Variants in VPS54 observed in about 807,000 individuals in gnomAD.
The protein encoded by VPS54 is vacuolar protein sorting-associated protein 54.
Under a neutral mutation model 121.5 loss-of-function variants are expected in VPS54, and 45 were observed. The observed-to-expected ratio is 0.37, with a 90% confidence interval of 0.29 to 0.47. VPS54 has a LOEUF of 0.47. VPS54 is among the 20% of genes least tolerant of loss of function. The pLI is 0.99. For missense variants in VPS54, 1,090 were observed against 1,131.4 expected, an observed-to-expected ratio of 0.96 and a Z score of 0.52; for synonymous variants, 371 against 385.8, an observed-to-expected ratio of 0.96 and a Z score of 0.45.
chr2:63,991,616 T>C (rs1677323175), intron 1 of VPS54, among the ~76,000 whole-genome samples: 1 of 152,216 alleles, frequency 6.6e-6, no homozygotes, highest in Non-Finnish European at 1.5e-5. Context: ...CAAATGCTGC[T>C]GCTACTGTTT....
chr2:63,936,980 C>T (rs762326471), intron 11 of VPS54, among the ~76,000 whole-genome samples: 7 of 152,074 alleles, frequency 4.6e-5, no homozygotes, highest in Non-Finnish European at 7.4e-5. Context: ...CTGTCTTATA[C>T]CACCTATAAA....
chr2:64,014,801 T>C (rs1322610409), intron 1 of VPS54, among the ~76,000 whole-genome samples: 1 of 151,664 alleles, frequency 6.6e-6, no homozygotes, highest in East Asian at 1.9e-4. Flanking sequence ...CCCTATTTTA[T>C]AGATGAGAAA....
Position 63,963,114 on chromosome 2 carries a change from A to G in VPS54, c.625-671T>C, listed in dbSNP as rs186895923. ...CTGATGGTTCAGTCACAAATTATAG[A>G]TAAGGTACTAAAATTCATTTGGATT... On this transcript the variant is annotated intron_variant, in intron 6 of 22. Coordinates refer to ENST00000272322, the MANE Select transcript of VPS54 (RefSeq NM_016516.3). 2.9e-3 allele frequency among the ~76,000 whole-genome samples: 436 copies of G among 152,196 alleles called. 2 individuals carry two copies. The highest frequency in any genetic ancestry group is 0.017 in the Middle Eastern group (5 of 294).
At chr2:64,006,351 T>C (rs757498791) in intron 1 of VPS54, among the ~76,000 whole-genome samples, 1 of 152,232 alleles carries the variant, frequency 6.6e-6, no homozygotes, top group Non-Finnish European at 1.5e-5. Flanking sequence ...TACTTGACTT[T>C]CTGAAATTTG....
At chr2:63,912,751 A>C in intron 18 of VPS54, 90 bp from the exon 19 acceptor site, 1 of 1,460,912 alleles carries the variant, frequency 6.8e-7, no homozygotes, top group Non-Finnish European at 9.1e-7. Context: ...CAAATAAAAA[A>C]CATCACTTAT....
chr2:64,003,287 A>G (rs1173446234), intron 1 of VPS54, among the ~76,000 whole-genome samples: 1 of 152,220 alleles, frequency 6.6e-6, no homozygotes, highest in East Asian at 1.9e-4. Flanking sequence ...TCTAGAAACA[A>G]ATTTGGCATT....
At position 63,893,554 on chromosome 2, in the gene VPS54, A is replaced by G. The variant is rs761581571; in HGVS notation, c.2829-19T>C. 4.4e-6 allele frequency: 7 copies of G among 1,594,262 alleles called. No homozygotes were observed. The Admixed American group carries it at 7.0e-5, about 16-fold the overall frequency. ...GACCAACCTAAATAATGGAGAGAAA[A>G]TTATTTTTTAAATCTCAAACTTTCT... is the stretch of plus-strand genomic sequence containing the variant. On this transcript the variant is annotated intron_variant, in intron 22 of 22. Coordinates refer to ENST00000272322, the MANE Select transcript of VPS54 (RefSeq NM_016516.3).
In VPS54 at chr2:63,912,612, G is replaced by A. The variant is rs763113585; in HGVS notation, c.2472C>T (p.Ile824=). The A allele has an allele frequency of 1.4e-5, 23 of 1,596,346 alleles. No homozygotes were observed. Among genetic ancestry groups the A allele is most frequent in the Non-Finnish European group, 8.5e-7 (1 of 1,176,004 alleles). The change falls in exon 19 of 23, where the codon ATC becomes ATT. Residue 824 remains isoleucine (I), a synonymous_variant. Transcript: ENST00000272322. The part of the protein sequence containing the change: ...LQLIVHYIPV[I]RAHFEARLPP... Reference sequence around the variant, plus strand: ...GTAGTCGAGCTTCAAAATGAGCCCGGATCACAGGAATGTAGTGCACAATTA... The same window carrying A: ...GTAGTCGAGCTTCAAAATGAGCCCGAATCACAGGAATGTAGTGCACAATTA...
At chr2:63,951,326 A>G (rs948988649) in intron 7 of VPS54, among the ~76,000 whole-genome samples, 131 of 151,108 alleles carry the variant, frequency 8.7e-4, no homozygotes, top group Non-Finnish European at 1.5e-4. Flanking sequence ...GCTTCTTGGG[A>G]GTACTTCCAG....
chr2:63,964,684 A>C (rs541076868), intron 6 of VPS54, among the ~76,000 whole-genome samples: 2 of 152,302 alleles, frequency 1.3e-5, no homozygotes, highest in East Asian at 3.9e-4. Flanking sequence ...AGGAATACTC[A>C]TGATTCCTTC....
At chr2:63,911,234 A>C (rs978256781) in intron 20 of VPS54, among the ~76,000 whole-genome samples, 3 of 152,204 alleles carry the variant, frequency 2.0e-5, no homozygotes, top group African/African-American at 7.2e-5. Context: ...CAGTGAAGAA[A>C]ATAAAGCATC....
intron 7 of VPS54, among the ~76,000 whole-genome samples, chr2:63,961,385 C>T (rs567369607): frequency 3.9e-5 from 6 of 152,182 alleles, no homozygotes; most frequent in Non-Finnish European, 7.4e-5. Flanking sequence ...TTACAGAGCA[C>T]ATCTTCCATA....
intron 1 of VPS54, among the ~76,000 whole-genome samples, chr2:64,007,512 G>A (rs1678218004): frequency 6.6e-6 from 1 of 152,146 alleles, no homozygotes; most frequent in South Asian, 2.1e-4. Context: ...CTTCAATAAT[G>A]AAGAATTAAC....
intron 9 of VPS54, 27 bp from the exon 10 acceptor site, chr2:63,944,682 C>T: frequency 6.4e-7 from 1 of 1,567,798 alleles, no homozygotes. Flanking sequence ...AAAACAAAAA[C>T]AATTTGATTA....
intron 15 of VPS54, among the ~76,000 whole-genome samples, chr2:63,918,220 C>A (rs1214845049): frequency 2.0e-5 from 3 of 151,942 alleles, no homozygotes; most frequent in Non-Finnish European, 4.4e-5. Flanking sequence ...CCATCAATAT[C>A]CTCCAAAGAA....
intron 1 of VPS54, among the ~76,000 whole-genome samples, chr2:63,984,601 T>A (rs1238779517): frequency 1.3e-5 from 2 of 151,894 alleles, no homozygotes; most frequent in South Asian, 4.2e-4. Context: ...ATGATGTGAC[T>A]GCTACATAGT....
intron 12 of VPS54, among the ~76,000 whole-genome samples, chr2:63,925,630 T>C (rs546019031): frequency 6.6e-6 from 1 of 152,332 alleles, no homozygotes; most frequent in South Asian, 2.1e-4. Flanking sequence ...TACATTGTGG[T>C]GTATCATAAA....
intron 1 of VPS54, among the ~76,000 whole-genome samples, chr2:63,984,433 ATC>A (rs1204768291): frequency 6.6e-6 from 1 of 152,176 alleles, no homozygotes; most frequent in Non-Finnish European, 1.5e-5. Flanking sequence ...ACCTTTATGT[ATC>A]TGTCTTTCCT....
At chr2:63,951,205 C>T (rs1465670421) in intron 7 of VPS54, among the ~76,000 whole-genome samples, 1 of 114,406 alleles carries the variant, frequency 8.7e-6, no homozygotes, top group Non-Finnish European at 1.7e-5. Flanking sequence ...CACAAATTTC[C>T]CTTTTTTTTT....
Sources: allele counts gnomAD v4.1 joint callset (sites outside exome capture counted in the v4.1 genomes callset), GRCh38; gene constraint gnomAD v4.1.1; transcripts MANE v1.5; gene names NCBI Gene and HGNC (gene_info 2026-07-23, HGNC 2026-07-21).